The following HHIPL2 variants were observed in gnomAD, a reference collection of about 807,000 sequenced individuals.
HHIPL2 encodes HHIP like 2, also known as HHIP-like protein 2.
In HHIPL2, 61 loss-of-function variants were observed where a neutral mutation model predicts 61.0. The ratio of observed to expected loss-of-function variants is 1.00; its 90% CI spans 0.81 to 1.24. HHIPL2 has a LOEUF of 1.24. Ranked by LOEUF, HHIPL2 falls within the 50% of genes most tolerant of loss-of-function variation. The probability of loss-of-function intolerance (pLI) is 0.00; values close to 1 mark genes in which losing one functional copy is unlikely to be tolerated. For synonymous variants in HHIPL2, 343 were observed against 357.4 expected, an observed-to-expected ratio of 0.96 and a Z score of 0.45; for missense variants, 885 against 910.2, an observed-to-expected ratio of 0.97 and a Z score of 0.36.
rs185550845 is a variant in HHIPL2, at chr1:222,541,582, G to A, written c.1118+430C>T. Among the ~76,000 whole-genome samples the A allele has an allele frequency of 9.9e-4, 150 of 152,236 alleles. 1 individual carries two copies. In the Middle Eastern group the frequency reaches 0.01, roughly 10 times the overall value. ...GGTTGCTAAAATTACCTTCTCAAAT[G>A]TAAAGTACTTAGACCAATGCCTGAC... On this transcript the variant is annotated intron_variant, in intron 3 of 8. Coordinates refer to ENST00000343410, the MANE Select transcript of HHIPL2 (RefSeq NM_024746.4).
intron 6 of HHIPL2, 50 bp from the exon 7 acceptor site, chr1:222,527,100 A>C: frequency 7.1e-7 from 1 of 1,404,948 alleles, no homozygotes; most frequent in Non-Finnish European, 1.0e-6. Flanking sequence ...GGCAGCACTG[A>C]GACACAGAGT....
At chr1:222,533,153 C>T in intron 5 of HHIPL2, among the ~76,000 whole-genome samples, 1 of 151,964 alleles carries the variant, frequency 6.6e-6, no homozygotes, top group East Asian at 1.9e-4. Context: ...TCACCTGAGG[C>T]CAGGGGTTCG....
At chr1:222,533,283 T>C (rs1659230359) in intron 5 of HHIPL2, among the ~76,000 whole-genome samples, 1 of 150,090 alleles carries the variant, frequency 6.7e-6, no homozygotes, top group Non-Finnish European at 1.5e-5. Flanking sequence ...GAGAATTGCT[T>C]AAACCCAGGA....
intron 2 of HHIPL2, among the ~76,000 whole-genome samples, chr1:222,542,827 T>C (rs1389321670): frequency 6.6e-6 from 1 of 151,996 alleles, no homozygotes; most frequent in African/African-American, 2.4e-5. Flanking sequence ...CTGGCCTCAT[T>C]TTTCTTTCAT....
intron 5 of HHIPL2, among the ~76,000 whole-genome samples, 174 bp from the exon 6 acceptor site, chr1:222,532,285 C>T (rs1315665213): frequency 6.6e-6 from 1 of 152,174 alleles, no homozygotes; most frequent in Non-Finnish European, 1.5e-5. Flanking sequence ...TTCAATCACC[C>T]ACTTGCCCTA....
At chr1:222,530,815 T>A (rs1205192557) in intron 6 of HHIPL2, among the ~76,000 whole-genome samples, 1 of 152,142 alleles carries the variant, frequency 6.6e-6, no homozygotes, top group African/African-American at 2.4e-5. Flanking sequence ...TTTTCACCTA[T>A]AGAGAATCTA....
At chr1:222,540,685 T>C (rs572073771) in intron 3 of HHIPL2, among the ~76,000 whole-genome samples, 1 of 152,346 alleles carries the variant, frequency 6.6e-6, no homozygotes, top group Admixed American at 6.5e-5. Flanking sequence ...TTTGGTCTAA[T>C]ATGACAAAGT....
At chr1:222,540,421 G>A (rs1659407046) in intron 3 of HHIPL2, 80 bp from the exon 4 acceptor site, 7 of 1,114,032 alleles carry the variant, frequency 6.3e-6, no homozygotes, top group Admixed American at 2.5e-5. Flanking sequence ...CAGAAGGGCC[G>A]ACTCATAGCT....
rs751138574 is a variant in HHIPL2, at chr1:222,548,033, C to A, written c.12G>T (p.Thr4=). ...GACCACCACACAGATTAGGAGTGGA[C>A]GTTCTCAGCATTTTGGCCTTGGGAA... MLR[T]STPNLCGGLH... Residue 4 remains threonine (T), a synonymous_variant, in exon 1 of 9, where the codon ACG becomes ACT. Transcript: ENST00000343410. 3.9e-6 allele frequency: 6 copies of A among 1,554,020 alleles called. No homozygotes were observed. In the East Asian group the frequency reaches 1.4e-4, roughly 35 times the overall value.
chr1:222,532,294 T>C (rs1047642773), intron 5 of HHIPL2, among the ~76,000 whole-genome samples, 183 bp from the exon 6 acceptor site: 1 of 152,160 alleles, frequency 6.6e-6, no homozygotes, highest in East Asian at 1.9e-4. Flanking sequence ...CCACTTGCCC[T>C]AGATGTGGAA....
At chr1:222,535,172 C>A (rs574293555) in intron 5 of HHIPL2, among the ~76,000 whole-genome samples, 3 of 152,032 alleles carry the variant, frequency 2.0e-5, no homozygotes, top group Non-Finnish European at 2.9e-5. Flanking sequence ...AAAATAGTGG[C>A]GCAGCCTCTA....
intron 7 of HHIPL2, 128 bp from the exon 8 acceptor site, chr1:222,523,822 G>C: frequency 1.3e-6 from 1 of 781,624 alleles, no homozygotes. Flanking sequence ...GGATGGGGTA[G>C]ATGTAACAGG....
chr1:222,526,252 G>C (rs968579747), intron 7 of HHIPL2, among the ~76,000 whole-genome samples: 2 of 152,094 alleles, frequency 1.3e-5, no homozygotes, highest in African/African-American at 4.8e-5. Flanking sequence ...CTCCAGAAAA[G>C]GTAGAGCTAT....
chr1:222,525,948 G>C (rs190285495), intron 7 of HHIPL2, among the ~76,000 whole-genome samples: 1 of 152,036 alleles, frequency 6.6e-6, no homozygotes, highest in African/African-American at 2.4e-5. Context: ...GCAGTGAGCC[G>C]AGATCGTGTC....
chr1:222,532,440 C>A (rs1659212878), intron 5 of HHIPL2, among the ~76,000 whole-genome samples: 1 of 151,994 alleles, frequency 6.6e-6, no homozygotes, highest in South Asian at 2.1e-4. Context: ...TGGTGAAACC[C>A]CCATCTCTAC....
At chr1:222,524,331 C>G (rs973144195) in intron 7 of HHIPL2, 3 of 152,290 alleles carry the variant, frequency 2.0e-5, no homozygotes, top group Non-Finnish European at 4.4e-5. Context: ...CAGCCTGTCC[C>G]CATTGCTTTC....
intron 6 of HHIPL2, among the ~76,000 whole-genome samples, chr1:222,530,760 TTG>T (rs67387158): frequency 0.45 from 67,987 of 151,592 alleles, 15,901 homozygotes; most frequent in East Asian, 0.66. Flanking sequence ...TGTGTATTTT[TTG>T]TGTTTTTTGA....
intron 6 of HHIPL2, 23 bp from the exon 7 acceptor site, chr1:222,527,073 G>C: frequency 6.4e-7 from 1 of 1,571,262 alleles, no homozygotes; most frequent in African/African-American, 1.3e-5. Context: ...AAATAGACAG[G>C]CAATAATGGG....
chr1:222,526,752 G>A (rs3001097), intron 7 of HHIPL2, among the ~76,000 whole-genome samples: 1 of 140,766 alleles, frequency 7.1e-6, no homozygotes, highest in Non-Finnish European at 1.5e-5. Context: ...ACTAACCCTA[G>A]AAAGGCTCAA....
Sources: allele counts gnomAD v4.1 joint callset (sites outside exome capture counted in the v4.1 genomes callset), GRCh38; gene constraint gnomAD v4.1.1; transcripts MANE v1.5; gene names NCBI Gene and HGNC (gene_info 2026-07-23, HGNC 2026-07-21).